AIRIM: variants seen among roughly 807,000 people sequenced by gnomAD.
The protein encoded by AIRIM is AFG2-interacting ribosome maturation factor.
At chr1:37,690,702 A>G in the AIRIM span, among the ~76,000 whole-genome samples, 1 of 152,090 alleles carries the variant, frequency 6.6e-6, no homozygotes, top group African/African-American at 2.4e-5. Context: ...AAACACGGCG[A>G]CTTCTCATTT....
At chr1:37,687,320 C>T in the AIRIM span, among the ~76,000 whole-genome samples, 12,091 of 151,174 alleles carry the variant, frequency 0.08, 539 homozygotes, top group Middle Eastern at 0.16. Context: ...TCAGTAGAGA[C>T]GGGGTTTCTC....
At chr1:37,690,479 C>A in the AIRIM span, 1 of 1,247,700 alleles carries the variant, frequency 8.0e-7, no homozygotes, top group South Asian at 1.3e-5. Context: ...ACAGCCAAAG[C>A]GTGAGAACCC....
the AIRIM span, chr1:37,689,914 C>T: frequency 4.0e-6 from 6 of 1,509,208 alleles, no homozygotes; most frequent in African/African-American, 5.6e-5. Flanking sequence ...AGAAAATAAC[C>T]ACGTTGGGGT....
chr1:37,687,653 A>G, the AIRIM span, among the ~76,000 whole-genome samples: 4 of 152,096 alleles, frequency 2.6e-5, no homozygotes, highest in Admixed American at 6.6e-5. Context: ...GGAGGCTGGC[A>G]GGAGGAGTTA....
the AIRIM span, among the ~76,000 whole-genome samples, chr1:37,687,288 C>T: frequency 2.2e-4 from 34 of 151,538 alleles, no homozygotes; most frequent in Non-Finnish European, 4.3e-4. Context: ...CCACCACACC[C>T]GGCTAATTTT....
the AIRIM span, among the ~76,000 whole-genome samples, chr1:37,684,573 C>T: frequency 2.0e-5 from 3 of 152,164 alleles, no homozygotes; most frequent in South Asian, 6.2e-4. Flanking sequence ...GAGCCAAGAT[C>T]GTGCCATTGC....
chr1:37,686,921 G>A, the AIRIM span, among the ~76,000 whole-genome samples: 2 of 151,938 alleles, frequency 1.3e-5, no homozygotes, highest in African/African-American at 4.8e-5. Context: ...AAATTAGCCA[G>A]GTGTGGTGGT....
At chr1:37,687,830 C>T in the AIRIM span, among the ~76,000 whole-genome samples, 1 of 152,360 alleles carries the variant, frequency 6.6e-6, no homozygotes, top group East Asian at 1.9e-4. Context: ...TCCTTAGCCT[C>T]TCAAAGTGCT....
chr1:37,682,446 A>C, the AIRIM span: 2 of 152,400 alleles, frequency 1.3e-5, no homozygotes, highest in Admixed American at 6.6e-5. Flanking sequence ...GGCCAAAAAA[A>C]CTCCTGTCAT....
the AIRIM span, chr1:37,686,248 G>C: frequency 6.9e-6 from 11 of 1,590,902 alleles, no homozygotes; most frequent in Non-Finnish European, 9.4e-6. Flanking sequence ...CTCTGGCTGT[G>C]ACCTGAAATG....
chr1:37,683,406 T>C, the AIRIM span: 6 of 1,613,956 alleles, frequency 3.7e-6, no homozygotes, highest in Non-Finnish European at 5.1e-6. Flanking sequence ...CCCCACTGGA[T>C]AGACGAAAGA....
chr1:37,682,547 T>C, the AIRIM span: 1 of 152,834 alleles, frequency 6.5e-6, no homozygotes, highest in Non-Finnish European at 1.5e-5. Context: ...GAATGATTCA[T>C]GCTGCACCAC....
the AIRIM span, chr1:37,683,238 C>A: frequency 4.8e-3 from 7,737 of 1,610,722 alleles, 27 homozygotes; most frequent in Non-Finnish European, 5.8e-3. Context: ...AGCAAGGGCA[C>A]CTTCCTAATG....
At chr1:37,684,232 C>T in the AIRIM span, 1 of 152,330 alleles carries the variant, frequency 6.6e-6, no homozygotes, top group Non-Finnish European at 1.5e-5. Context: ...TGACAAGTGA[C>T]TGTGTAAACA....
chr1:37,686,675 T>C, the AIRIM span, among the ~76,000 whole-genome samples: 1 of 152,186 alleles, frequency 6.6e-6, no homozygotes, highest in African/African-American at 2.4e-5. Context: ...ATAATGCCTC[T>C]AGATGATGCC....
the AIRIM span, chr1:37,683,271 G>T: frequency 7.4e-6 from 12 of 1,612,938 alleles, no homozygotes; most frequent in Non-Finnish European, 1.0e-5. Flanking sequence ...CGAGCCACAG[G>T]GAGAGAAAGG....
chr1:37,687,437 A>AATTTTTTTTT, the AIRIM span, among the ~76,000 whole-genome samples: 1 of 127,034 alleles, frequency 7.9e-6, no homozygotes, highest in Admixed American at 7.6e-5. Context: ...CAGCTAATAT[A>AATTTTTTTTT]TATTTTTTTT....
At chr1:37,689,585 C>T in the AIRIM span, 2 of 1,547,356 alleles carry the variant, frequency 1.3e-6, no homozygotes, top group Admixed American at 4.1e-5. Context: ...CACCAAGAAA[C>T]AGCACTAGGG....
At chr1:37,683,035 A>C in the AIRIM span, 2 of 1,378,658 alleles carry the variant, frequency 1.5e-6, no homozygotes, top group South Asian at 2.4e-5. Flanking sequence ...TGTCAGACTG[A>C]AATACTGACG....
Sources: allele counts gnomAD v4.1 joint callset (sites outside exome capture counted in the v4.1 genomes callset), GRCh38; gene constraint gnomAD v4.1.1; transcripts MANE v1.5; gene names NCBI Gene and HGNC (gene_info 2026-07-23, HGNC 2026-07-21).